The following ZNG1A variants were observed in gnomAD, a reference collection of about 807,000 sequenced individuals.
ZNG1A encodes Zn regulated GTPase metalloprotein activator 1A.
At chr9:163,565 A>G in the ZNG1A span, among the ~76,000 whole-genome samples, 1 of 152,202 alleles carries the variant, frequency 6.6e-6, no homozygotes, top group Non-Finnish European at 1.5e-5. Flanking sequence ...AATGCAAGGA[A>G]TTAAAGTTAT....
the ZNG1A span, chr9:121,208 T>A: frequency 2.1e-6 from 1 of 475,756 alleles, no homozygotes. Flanking sequence ...TCATGTTCAG[T>A]ATATGTAAAC....
the ZNG1A span, among the ~76,000 whole-genome samples, chr9:162,755 C>T: frequency 1.3e-5 from 2 of 150,366 alleles, no homozygotes; most frequent in African/African-American, 2.5e-5. Flanking sequence ...ATTTCCTTGG[C>T]ACTGAAAAAG....
the ZNG1A span, chr9:148,151 TAA>T: frequency 3.4e-5 from 4 of 117,680 alleles, no homozygotes; most frequent in African/African-American, 1.2e-4. Context: ...TAAAGTTTAA[TAA>T]AGTTTACACA....
chr9:129,354 C>T, the ZNG1A span, among the ~76,000 whole-genome samples: 2 of 151,760 alleles, frequency 1.3e-5, no homozygotes, highest in Admixed American at 6.6e-5. Context: ...TCAAATTGAA[C>T]TTGCAAATGT....
chr9:157,888 G>C, the ZNG1A span, among the ~76,000 whole-genome samples: 3,832 of 151,912 alleles, frequency 0.025, 149 homozygotes, highest in African/African-American at 0.089. Context: ...GCTTGATGAG[G>C]TCTATAGAAG....
the ZNG1A span, chr9:172,502 T>G: frequency 4.5e-6 from 1 of 223,420 alleles, no homozygotes; most frequent in African/African-American, 2.3e-5. Context: ...TAAAATGTAT[T>G]AACTATAGTA....
the ZNG1A span, among the ~76,000 whole-genome samples, chr9:126,564 A>G: frequency 3.3e-5 from 5 of 151,874 alleles, 1 homozygote; most frequent in Non-Finnish European, 7.4e-5. Context: ...CTCCCGTTTC[A>G]TTTCTTATTG....
the ZNG1A span, among the ~76,000 whole-genome samples, chr9:124,899 G>A: frequency 6.6e-6 from 1 of 151,098 alleles, no homozygotes; most frequent in Non-Finnish European, 1.5e-5. Flanking sequence ...TCCTTTTTAT[G>A]GCTGAGGAGT....
the ZNG1A span, chr9:147,147 C>T: frequency 1.1e-3 from 151 of 135,400 alleles, 2 homozygotes; most frequent in African/African-American, 3.9e-3. Flanking sequence ...CACTGCACTC[C>T]AGCCTGGCAC....
the ZNG1A span, among the ~76,000 whole-genome samples, chr9:127,935 C>T: frequency 2.1e-4 from 31 of 150,398 alleles, no homozygotes; most frequent in South Asian, 6.4e-4. Context: ...TGTATCTTGC[C>T]TTCATATATG....
the ZNG1A span, among the ~76,000 whole-genome samples, chr9:141,413 G>A: frequency 1.0e-4 from 15 of 149,644 alleles, no homozygotes; most frequent in East Asian, 8.0e-4. Context: ...AAGAATTTTC[G>A]ACCCAGAATT....
chr9:125,189 C>T, the ZNG1A span, among the ~76,000 whole-genome samples: 3 of 151,466 alleles, frequency 2.0e-5, no homozygotes, highest in South Asian at 2.1e-4. Context: ...AGAAGTGTTC[C>T]GTGTTCACCA....
At chr9:146,243 A>G in the ZNG1A span, 1 of 1,545,180 alleles carries the variant, frequency 6.5e-7, no homozygotes, top group Middle Eastern at 2.3e-4. Context: ...TGACTTAAAA[A>G]ATTTTATACA....
the ZNG1A span, among the ~76,000 whole-genome samples, chr9:140,832 A>G: frequency 2.0e-5 from 3 of 149,228 alleles, no homozygotes; most frequent in Admixed American, 2.0e-4. Context: ...TAACCAATAC[A>G]GAGAAGTGCT....
At chr9:129,678 G>GT in the ZNG1A span, among the ~76,000 whole-genome samples, 1 of 150,272 alleles carries the variant, frequency 6.7e-6, no homozygotes, top group East Asian at 1.9e-4. Context: ...CGAAAATTGG[G>GT]GGGGGCTGTT....
chr9:168,528 A>G, the ZNG1A span, among the ~76,000 whole-genome samples: 1 of 150,678 alleles, frequency 6.6e-6, no homozygotes. Flanking sequence ...CTGAGATTAC[A>G]GGCATGAGCC....
At chr9:163,867 A>C in the ZNG1A span, 4 of 1,088,062 alleles carry the variant, frequency 3.7e-6, no homozygotes, top group Non-Finnish European at 5.4e-6. Flanking sequence ...CAGTGAGCCG[A>C]GATCATGCCA....
chr9:174,788 A>G, the ZNG1A span, among the ~76,000 whole-genome samples: 5 of 151,318 alleles, frequency 3.3e-5, no homozygotes, highest in East Asian at 5.8e-4. Flanking sequence ...TTTGATTACA[A>G]TTCATACTTA....
At chr9:153,776 A>T in the ZNG1A span, 24 of 148,440 alleles carry the variant, frequency 1.6e-4, no homozygotes, top group African/African-American at 5.9e-4. Context: ...TTATTGATTC[A>T]ATTGATAATA....
Sources: gnomAD v4.1 joint callset for allele counts (sites outside exome capture counted in the v4.1 genomes callset) on GRCh38, gnomAD v4.1.1 for gene constraint, MANE v1.5 for transcripts, NCBI Gene and HGNC (gene_info 2026-07-23, HGNC 2026-07-21) for gene names.